The following SHLD2 variants were observed in gnomAD, a reference collection of about 807,000 sequenced individuals.
SHLD2 encodes RINN1-REV7-interacting novel NHEJ regulator 2.
In SHLD2, 30 loss-of-function variants were observed where a neutral mutation model predicts 73.2. The observed-to-expected ratio is 0.41, with a 90% CI of 0.31 to 0.56. The LOEUF (loss-of-function observed/expected upper bound fraction) is 0.56, where lower values mean the gene tolerates loss of function less well. Among genes scored for constraint, SHLD2 ranks in the 20% least tolerant of loss-of-function variants. SHLD2 has a pLI of 0.28. For synonymous variants in SHLD2, 285 were observed against 370.1 expected, an observed-to-expected ratio of 0.77 and a Z score of 2.64; for missense variants, 745 against 1,055.9, an observed-to-expected ratio of 0.71 and a Z score of 4.08.
chr10:87,155,829 C>A (rs1256889466), intron 3 of SHLD2, among the ~76,000 whole-genome samples: 2 of 152,048 alleles, frequency 1.3e-5, no homozygotes, highest in Non-Finnish European at 2.9e-5. Context: ...TATTATAAGA[C>A]ATTTAGATGA....
At chr10:87,163,404 A>G (rs184622628) in intron 4 of SHLD2, among the ~76,000 whole-genome samples, 3 of 152,346 alleles carry the variant, frequency 2.0e-5, no homozygotes, top group Admixed American at 2.0e-4. Flanking sequence ...GTCAGGAGGA[A>G]GTGACACTAA....
At chr10:87,188,855 G>A (rs1436582722) in intron 9 of SHLD2, among the ~76,000 whole-genome samples, 3 of 152,050 alleles carry the variant, frequency 2.0e-5, no homozygotes. Flanking sequence ...AACTGTTAGG[G>A]TAGGAGCCAC....
chr10:87,126,216 C>T (rs1410367256), intron 2 of SHLD2, among the ~76,000 whole-genome samples: 4 of 152,076 alleles, frequency 2.6e-5, no homozygotes, highest in African/African-American at 9.7e-5. Context: ...GTAGTTGGGA[C>T]TAAAGGTGTG....
chr10:87,171,267 T>C (rs1030827149), intron 6 of SHLD2, among the ~76,000 whole-genome samples: 36 of 152,190 alleles, frequency 2.4e-4, no homozygotes, highest in Non-Finnish European at 1.9e-4. Flanking sequence ...TAATGTTCTT[T>C]AAACATTTAA....
intron 2 of SHLD2, among the ~76,000 whole-genome samples, chr10:87,125,628 T>G (rs1215920165): frequency 2.6e-5 from 4 of 152,098 alleles, no homozygotes; most frequent in Non-Finnish European, 5.9e-5. Context: ...TCCCAGCTAC[T>G]GGGGAGGCTG....
intron 2 of SHLD2, among the ~76,000 whole-genome samples, chr10:87,149,666 G>A (rs1389245782): frequency 2.0e-5 from 3 of 152,148 alleles, no homozygotes; most frequent in Non-Finnish European, 4.4e-5. Flanking sequence ...GGAGGTTGCA[G>A]TGAGCTGAGA....
chr10:87,169,720 A>G (rs571184071), intron 4 of SHLD2, among the ~76,000 whole-genome samples: 3 of 151,764 alleles, frequency 2.0e-5, no homozygotes, highest in Non-Finnish European at 4.4e-5. Context: ...TACATTTAAA[A>G]TATATGCATG....
intron 7 of SHLD2, among the ~76,000 whole-genome samples, chr10:87,178,234 T>A (rs1489102564): frequency 1.5e-4 from 4 of 26,684 alleles, no homozygotes; most frequent in Admixed American, 1.3e-3. Context: ...ATACTCTGTC[T>A]CAAAAAAAAA....
At chr10:87,137,254 G>A (rs557653860) in intron 2 of SHLD2, among the ~76,000 whole-genome samples, 2 of 152,084 alleles carry the variant, frequency 1.3e-5, no homozygotes, top group Non-Finnish European at 2.9e-5. Context: ...TTAACAATAT[G>A]CTTGAAAAGA....
chr10:87,153,474 A>C (rs3129509), intron 3 of SHLD2, among the ~76,000 whole-genome samples: 2 of 152,158 alleles, frequency 1.3e-5, no homozygotes, highest in Admixed American at 1.3e-4. Context: ...ATTGATTTCT[A>C]TTGCCTTATT....
At chr10:87,103,094 C>T (rs958963052) in intron 2 of SHLD2, among the ~76,000 whole-genome samples, 2 of 151,852 alleles carry the variant, frequency 1.3e-5, no homozygotes, top group South Asian at 2.1e-4. Context: ...CCTGTAGTCC[C>T]AGCTGCTCAG....
intron 2 of SHLD2, among the ~76,000 whole-genome samples, chr10:87,100,529 G>T: frequency 6.6e-6 from 1 of 151,108 alleles, no homozygotes. Context: ...CCAGGCTGGA[G>T]TGCAATAGCG....
chr10:87,124,745 T>C, intron 2 of SHLD2, among the ~76,000 whole-genome samples: 1 of 133,092 alleles, frequency 7.5e-6, no homozygotes, highest in South Asian at 2.3e-4. Context: ...TTAAAAAAAT[T>C]GTTTTTTTTT....
chr10:87,176,255 CAGG>C (rs990535712), intron 7 of SHLD2, among the ~76,000 whole-genome samples, 160 bp downstream of exon 7: 3 of 152,206 alleles, frequency 2.0e-5, no homozygotes, highest in African/African-American at 7.2e-5. Flanking sequence ...TCGCGTAGCT[CAGG>C]AGGGAAGGGA....
At chr10:87,143,284 G>A (rs1049921172) in intron 2 of SHLD2, among the ~76,000 whole-genome samples, 3 of 152,098 alleles carry the variant, frequency 2.0e-5, no homozygotes, top group African/African-American at 7.2e-5. Flanking sequence ...GGGAGGTGAA[G>A]TGTGATATTT....
chr10:87,146,801 A>G (rs1845643857), intron 2 of SHLD2, among the ~76,000 whole-genome samples: 1 of 151,824 alleles, frequency 6.6e-6, no homozygotes, highest in Non-Finnish European at 1.5e-5. Flanking sequence ...TCATGCCTCT[A>G]ATCTCAGCAC....
intron 2 of SHLD2, among the ~76,000 whole-genome samples, chr10:87,116,580 G>A (rs187774501): frequency 5.9e-5 from 8 of 135,420 alleles, no homozygotes; most frequent in Admixed American, 1.6e-4. Context: ...TTCAGTGAAG[G>A]GGGGATAAGG....
chr10:87,168,332 C>T (rs150819468), intron 4 of SHLD2, among the ~76,000 whole-genome samples: 88 of 152,280 alleles, frequency 5.8e-4, no homozygotes, highest in African/African-American at 2.0e-3. Flanking sequence ...TGCAGTGGCT[C>T]ATGCCTGTAA....
chr10:87,130,939 C>T (rs188786954), intron 2 of SHLD2, among the ~76,000 whole-genome samples: 61 of 152,066 alleles, frequency 4.0e-4, no homozygotes, highest in Non-Finnish European at 7.5e-4. Context: ...TGGTGGTGCA[C>T]GCCTGTGGTC....
Sources: allele counts gnomAD v4.1 joint callset (sites outside exome capture counted in the v4.1 genomes callset), GRCh38; gene constraint gnomAD v4.1.1; transcripts MANE v1.5; gene names NCBI Gene and HGNC (gene_info 2026-07-23, HGNC 2026-07-21).